The following TNFSF13B variants were observed in gnomAD, a reference collection of about 807,000 sequenced individuals.
The protein encoded by TNFSF13B is TNF superfamily member 13b.
TNFSF13B carries 8 observed loss-of-function variants against 29.1 expected under a neutral mutation model. That is an observed-to-expected ratio of 0.27 (90% CI 0.16 to 0.50). The LOEUF is 0.50. Among genes scored for constraint, TNFSF13B ranks in the 20% least tolerant of loss-of-function variants. The pLI is 0.98. For synonymous variants in TNFSF13B, 125 were observed against 130.8 expected, an observed-to-expected ratio of 0.96 and a Z score of 0.30; for missense variants, 248 against 334.9, an observed-to-expected ratio of 0.74 and a Z score of 2.03.
chr13:108,301,029 C>G (rs191683197), intron 3 of TNFSF13B, among the ~76,000 whole-genome samples: 3 of 152,274 alleles, frequency 2.0e-5, no homozygotes, highest in Admixed American at 2.0e-4. Context: ...ACCTAGGATT[C>G]TTACTCCTTA....
intron 3 of TNFSF13B, among the ~76,000 whole-genome samples, chr13:108,301,943 G>A (rs9587550): frequency 0.016 from 2,499 of 152,162 alleles, 76 homozygotes; most frequent in African/African-American, 0.057. Context: ...GATCAAAAAA[G>A]AATTTTATTT....
intron 3 of TNFSF13B, among the ~76,000 whole-genome samples, chr13:108,288,484 T>G (rs1408608609): frequency 6.6e-6 from 1 of 152,192 alleles, no homozygotes; most frequent in African/African-American, 2.4e-5. Context: ...AACACTTACA[T>G]TAGTCTACAA....
intron 2 of TNFSF13B, among the ~76,000 whole-genome samples, chr13:108,280,628 C>T (rs1473785394): frequency 2.6e-5 from 4 of 151,194 alleles, no homozygotes; most frequent in Non-Finnish European, 5.9e-5. Context: ...TGGAGAAACA[C>T]AGATGATGAT....
At chr13:108,301,589 A>C (rs921601953) in intron 3 of TNFSF13B, among the ~76,000 whole-genome samples, 1 of 152,212 alleles carries the variant, frequency 6.6e-6, no homozygotes, top group African/African-American at 2.4e-5. Context: ...ATCTAAAAAA[A>C]GTCAAATTCA....
intron 5 of TNFSF13B, among the ~76,000 whole-genome samples, chr13:108,305,528 G>A (rs184358833): frequency 6.6e-6 from 1 of 152,246 alleles, no homozygotes; most frequent in East Asian, 1.9e-4. Context: ...GTGAGCTATG[G>A]TCTTTGTCAA....
chr13:108,291,239 T>C (rs1881300105), intron 3 of TNFSF13B, among the ~76,000 whole-genome samples: 6 of 151,820 alleles, frequency 4.0e-5, no homozygotes. Context: ...ATATAGGAAC[T>C]GTAGAATCAG....
At chr13:108,288,402 T>TG (rs1458959045) in intron 3 of TNFSF13B, among the ~76,000 whole-genome samples, 1 of 152,102 alleles carries the variant, frequency 6.6e-6, no homozygotes, top group Non-Finnish European at 1.5e-5. Context: ...TAACGGGCCT[T>TG]GAAAAAAGCA....
chr13:108,269,985 C>T lies in TNFSF13B; in HGVS notation c.90C>T (p.Ile30=), dbSNP rs765645487. ...EEMKLKECVS[I]LPRKESPSVR... is the part of the protein sequence containing the mutation. ...TGAAACTGAAGGAGTGTGTTTCCAT[C>T]CTCCCACGGAAGGAAAGCCCCTCTG... The change falls in exon 1 of 6, where the codon ATC becomes ATT. Residue 30 remains isoleucine, a synonymous_variant. Coordinates refer to ENST00000375887, the MANE Select transcript of TNFSF13B (RefSeq NM_006573.5). The T allele has an allele frequency of 9.9e-6, 16 of 1,613,516 alleles. No individual in the cohort carries two copies. Among genetic ancestry groups the T allele is most frequent in the African/African-American group, 2.7e-5 (2 of 74,914 alleles).
At chr13:108,303,746 T>C in intron 5 of TNFSF13B, 142 bp downstream of exon 5, 1 of 865,584 alleles carries the variant, frequency 1.2e-6, no homozygotes. Context: ...ATTGTGTTTT[T>C]TAAATCTTGA....
At chr13:108,279,670 AAAGAT>A (rs1374434468) in intron 2 of TNFSF13B, among the ~76,000 whole-genome samples, 1 of 152,158 alleles carries the variant, frequency 6.6e-6, no homozygotes, top group Non-Finnish European at 1.5e-5. Context: ...TTGCACTTAG[AAAGAT>A]AATTCAGGAG....
intron 3 of TNFSF13B, chr13:108,302,852 G>C (rs777397426): frequency 1.0e-6 from 1 of 987,826 alleles, no homozygotes; most frequent in Non-Finnish European, 1.2e-6. Context: ...AAACTCTTCA[G>C]ATACTCTTTC....
chr13:108,278,090 T>C (rs996669276), intron 2 of TNFSF13B, among the ~76,000 whole-genome samples: 1 of 152,190 alleles, frequency 6.6e-6, no homozygotes. Flanking sequence ...AACTAATTGA[T>C]AGGAGAGGTA....
chr13:108,282,634 T>G (rs1478452819), intron 2 of TNFSF13B, among the ~76,000 whole-genome samples: 1 of 152,182 alleles, frequency 6.6e-6, no homozygotes, highest in African/African-American at 2.4e-5. Context: ...TTGTAAACAT[T>G]TTGTGATCAT....
At chr13:108,304,859 TA>T (rs1881725809) in intron 5 of TNFSF13B, among the ~76,000 whole-genome samples, 1 of 152,140 alleles carries the variant, frequency 6.6e-6, no homozygotes, top group South Asian at 2.1e-4. Flanking sequence ...TTTATAAAAT[TA>T]GAATTCCCTA....
chr13:108,284,830 T>TA (rs1381428242), intron 2 of TNFSF13B, among the ~76,000 whole-genome samples: 1 of 152,142 alleles, frequency 6.6e-6, no homozygotes, highest in Non-Finnish European at 1.5e-5. Flanking sequence ...GTTGGAAAAA[T>TA]AAAAACTCTT....
chr13:108,279,088 T>G (rs1245533242), intron 2 of TNFSF13B, among the ~76,000 whole-genome samples: 1 of 150,878 alleles, frequency 6.6e-6, no homozygotes, highest in Non-Finnish European at 1.5e-5. Flanking sequence ...CCTCAAGCAA[T>G]GACTTGATTT....
chr13:108,293,484 A>G (rs1050354361), intron 3 of TNFSF13B, among the ~76,000 whole-genome samples: 3 of 152,188 alleles, frequency 2.0e-5, no homozygotes, highest in African/African-American at 7.2e-5. Context: ...AAATTTGTAT[A>G]TGGATTAGAC....
At chr13:108,288,954 C>T (rs1247606623) in intron 3 of TNFSF13B, among the ~76,000 whole-genome samples, 8 of 151,984 alleles carry the variant, frequency 5.3e-5, no homozygotes, top group South Asian at 2.1e-4. Context: ...TTTTTTTCTG[C>T]GTGACTTTAA....
intron 5 of TNFSF13B, 84 bp from the exon 6 acceptor site, chr13:108,306,742 T>TTA (rs1881786021): frequency 4.9e-6 from 4 of 822,836 alleles, no homozygotes; most frequent in Middle Eastern, 2.4e-4. Flanking sequence ...ATTTTTTTTT[T>TTA]ACAGAACAAA....
Sources: gnomAD v4.1 joint callset for allele counts (sites outside exome capture counted in the v4.1 genomes callset) on GRCh38, gnomAD v4.1.1 for gene constraint, MANE v1.5 for transcripts, NCBI Gene and HGNC (gene_info 2026-07-23, HGNC 2026-07-21) for gene names.